GALNT11: variants seen among roughly 807,000 people sequenced by gnomAD.
The protein encoded by GALNT11 is polypeptide N-acetylgalactosaminyltransferase 11.
GALNT11 carries 47 observed loss-of-function variants against 72.7 expected under a neutral mutation model. The observed-to-expected ratio is 0.65, with a 90% CI of 0.51 to 0.82. GALNT11 has a LOEUF of 0.82. Ranked by LOEUF, GALNT11 falls within the 40% of genes least tolerant of loss-of-function variation. GALNT11 has a pLI of 0.00. For synonymous variants in GALNT11, 270 were observed against 286.6 expected, an observed-to-expected ratio of 0.94 and a Z score of 0.58; for missense variants, 677 against 778.4, an observed-to-expected ratio of 0.87 and a Z score of 1.55.
Position 152,118,951 on chromosome 7 carries a change from A to G in GALNT11, c.1557+169A>G, listed in dbSNP as rs1044335513. 4 of 481,576 alleles carry G rather than the reference A, an allele frequency of 8.3e-6. No individual in the cohort carries two copies. The East Asian group carries it at 1.1e-4, about 13-fold the overall frequency. The allele number at this position is 481,576 out of a possible 1,614,324, so 29.8% of individuals were successfully genotyped here. On this transcript the variant is annotated intron_variant, in intron 10 of 11. Coordinates refer to ENST00000430044, the MANE Select transcript of GALNT11 (RefSeq NM_022087.4). ...AACGCTAAGCTTATGGGGGTTATCT[A>G]TATCCTAGTGCTCAAGGTCACCGCC...
At chr7:152,038,020 T>G (rs2082666462) in intron 1 of GALNT11, among the ~76,000 whole-genome samples, 1 of 152,176 alleles carries the variant, frequency 6.6e-6, no homozygotes, top group Non-Finnish European at 1.5e-5. Flanking sequence ...GCTGCCTGCC[T>G]CAGCCTCCCA....
At chr7:152,088,932 A>G (rs1440340083) in intron 1 of GALNT11, among the ~76,000 whole-genome samples, 4 of 152,048 alleles carry the variant, frequency 2.6e-5, no homozygotes, top group African/African-American at 9.7e-5. Flanking sequence ...TTTTCTTGAT[A>G]TGTTTTGCCA....
At chr7:152,026,236 A>C (rs931935208) in intron 1 of GALNT11, among the ~76,000 whole-genome samples, 1 of 152,224 alleles carries the variant, frequency 6.6e-6, no homozygotes, top group African/African-American at 2.4e-5. Context: ...TTTTAAAATT[A>C]AAAGTGCCCA....
rs561230466 is a variant in GALNT11, at chr7:152,062,407, G to A, written c.-38-31783G>A. Among the ~76,000 whole-genome samples the A allele has an allele frequency of 2.0e-5, 3 of 152,264 alleles. No homozygotes were observed. The East Asian group carries it at 5.8e-4, about 29-fold the overall frequency. Reference sequence around the variant, plus strand: ...TTCTAAATATACAATCATGTCATCTGCAAACAGGGACAATTTGACTTCCAC... The same window carrying A: ...TTCTAAATATACAATCATGTCATCTACAAACAGGGACAATTTGACTTCCAC... On this transcript the variant is annotated intron_variant, in intron 1 of 11. Coordinates refer to ENST00000430044, the MANE Select transcript of GALNT11 (RefSeq NM_022087.4).
At chr7:152,110,922 A>G (rs911859041) in intron 7 of GALNT11, among the ~76,000 whole-genome samples, 20 of 151,916 alleles carry the variant, frequency 1.3e-4, no homozygotes, top group African/African-American at 4.6e-4. Context: ...GCGTCTCACT[A>G]TGTTGCCCAG....
intron 3 of GALNT11, among the ~76,000 whole-genome samples, chr7:152,102,349 C>T (rs578015079): frequency 2.6e-5 from 4 of 151,892 alleles, no homozygotes; most frequent in Admixed American, 2.0e-4. Flanking sequence ...CGAGACCATC[C>T]TGGCCAATGT....
rs2088947750 is a variant in GALNT11, at chr7:152,117,148, T to A, written c.1234-9T>A. The A allele has an allele frequency of 1.3e-6, 2 of 1,571,512 alleles. No individual in the cohort carries two copies. The highest frequency in any genetic ancestry group is 1.4e-5 in the African/African-American group (1 of 72,370). ...TCGATTTTCTTATTTTTACTTTTTT[T>A]AAATTCAGGAGCAGTATTTTTCCTT... is the stretch of plus-strand genomic sequence containing the variant. On this transcript the variant is annotated splice_polypyrimidine_tract_variant and intron_variant, in intron 8 of 11. Transcript: ENST00000430044.
chr7:152,075,797 A>C (rs1032442484), intron 1 of GALNT11, among the ~76,000 whole-genome samples: 1 of 115,394 alleles, frequency 8.7e-6, no homozygotes, highest in Non-Finnish European at 1.6e-5. Context: ...ACTCTGTCTC[A>C]AAAAAAAAAA....
intron 11 of GALNT11, 95 bp downstream of exon 11, chr7:152,121,063 T>C: frequency 6.8e-7 from 1 of 1,465,264 alleles, no homozygotes; most frequent in African/African-American, 1.4e-5. Flanking sequence ...ACCTTGGGGG[T>C]GGTCTTCTCA....
intron 1 of GALNT11, among the ~76,000 whole-genome samples, chr7:152,037,154 C>A (rs1172569498): frequency 6.6e-6 from 1 of 152,190 alleles, no homozygotes; most frequent in Non-Finnish European, 1.5e-5. Context: ...GTTCAATGTT[C>A]TGGAGATTTT....
Position 152,094,027 on chromosome 7 carries a change from C to A in GALNT11, c.-38-163C>A. ...GGCCTGAGGTTTTCATTGTTGAACC[C>A]TTTTTAAAAACTCAGTACTATCCAT... On this transcript the variant is annotated intron_variant, in intron 1 of 11. Transcript: ENST00000430044. This position sits in a 1 kb window ranked among gnomAD's most constrained non-coding sequence, Gnocchi z 4.3. The A allele has an allele frequency of 3.7e-6, 2 of 538,960 alleles. No individual in the cohort carries two copies. Among genetic ancestry groups the A allele is most frequent in the South Asian group, 4.2e-5 (1 of 24,004 alleles). The allele number at this position is 538,960 out of a possible 1,614,324, so 33.4% of individuals were successfully genotyped here.
At chr7:152,096,647 G>A (rs1026758310) in intron 2 of GALNT11, among the ~76,000 whole-genome samples, 18 of 151,456 alleles carry the variant, frequency 1.2e-4, no homozygotes, top group East Asian at 5.8e-4. Flanking sequence ...CCTGGGAGGC[G>A]GAGGTTGCAG....
intron 1 of GALNT11, among the ~76,000 whole-genome samples, chr7:152,064,675 C>T (rs1289750325): frequency 6.6e-6 from 1 of 152,242 alleles, no homozygotes; most frequent in East Asian, 1.9e-4. Context: ...TCAGCATTTG[C>T]TTGTCTGTAA....
At chr7:152,097,229 C>G (rs905878243) in intron 2 of GALNT11, among the ~76,000 whole-genome samples, 2 of 152,060 alleles carry the variant, frequency 1.3e-5, no homozygotes, top group African/African-American at 4.8e-5. Flanking sequence ...ATGCAAATGG[C>G]CAACAAGCAG....
At position 152,113,289 on chromosome 7, in the gene GALNT11, G is replaced by C; in HGVS notation, c.1124G>C (p.Arg375Thr). ...GGKLFIIPCSRVGHIFRKRRP... is the reference protein window; with the variant it reads ...GGKLFIIPCSTVGHIFRKRRP... Reference sequence around the variant, plus strand: ...AAGCTCTTCATCATCCCTTGCTCTAGAGTAGGACACATTTTCCGAAAAAGG... The same window carrying C: ...AAGCTCTTCATCATCCCTTGCTCTACAGTAGGACACATTTTCCGAAAAAGG... The change falls in exon 8 of 12, where the codon AGA becomes ACA. Residue 375 changes from arginine (R) to threonine (T), a missense_variant. Coordinates refer to ENST00000430044, the MANE Select transcript of GALNT11 (RefSeq NM_022087.4). 1.2e-5 allele frequency: 20 copies of C among 1,614,064 alleles called. No individual in the cohort carries two copies. Among genetic ancestry groups the C allele is most frequent in the Non-Finnish European group, 1.7e-5 (20 of 1,179,998 alleles).
chr7:152,055,282 A>G (rs554509760), intron 1 of GALNT11, among the ~76,000 whole-genome samples: 1 of 152,328 alleles, frequency 6.6e-6, no homozygotes, highest in Non-Finnish European at 1.5e-5. Flanking sequence ...AAAAGATGCC[A>G]AATAATCTCC....
At chr7:152,035,808 G>T (rs949242336) in intron 1 of GALNT11, among the ~76,000 whole-genome samples, 2 of 152,232 alleles carry the variant, frequency 1.3e-5, no homozygotes, top group Non-Finnish European at 2.9e-5. Context: ...AAAGGGGTCA[G>T]ATGGTACTCA....
In GALNT11 at chr7:152,077,538, C is replaced by A. The variant is rs192732841; in HGVS notation, c.-38-16652C>A. ...GGCTGCCATCCAGAACACTCATGGG[C>A]TGGGAGTGTGCCAGCCTTTGCCTGG... On this transcript the variant is annotated intron_variant, in intron 1 of 11. Transcript: ENST00000430044. Among the ~76,000 whole-genome samples, 144 of 152,216 alleles carry A rather than the reference C, an allele frequency of 9.5e-4. 1 individual carries two copies. The highest frequency in any genetic ancestry group is 1.6e-3 in the Non-Finnish European group (112 of 68,004).
At chr7:152,052,101 G>A (rs1161747841) in intron 1 of GALNT11, among the ~76,000 whole-genome samples, 1 of 152,076 alleles carries the variant, frequency 6.6e-6, no homozygotes, top group Non-Finnish European at 1.5e-5. Context: ...CATATAAGCA[G>A]AATTGTACGG....
Sources: allele counts gnomAD v4.1 joint callset (sites outside exome capture counted in the v4.1 genomes callset), GRCh38; gene constraint gnomAD v4.1.1; non-coding constraint Gnocchi (gnomAD v3.1); transcripts MANE v1.5; gene names NCBI Gene and HGNC (gene_info 2026-07-23, HGNC 2026-07-21).